Variants in CDH8 observed in about 807,000 individuals in gnomAD.
CDH8 encodes cadherin-8.
In CDH8, 17 loss-of-function variants were observed where a neutral mutation model predicts 68.1. The observed-to-expected ratio is 0.25, with a 90% CI of 0.17 to 0.37. The LOEUF (loss-of-function observed/expected upper bound fraction) is 0.37. CDH8 is among the 10% of genes least tolerant of loss of function. CDH8 has a pLI of 1.00. For missense variants in CDH8, 763 were observed against 999.3 expected, an observed-to-expected ratio of 0.76 and a Z score of 3.19; for synonymous variants, 372 against 365.1, an observed-to-expected ratio of 1.02 and a Z score of -0.21.
intron 2 of CDH8, among the ~76,000 whole-genome samples, chr16:62,003,896 G>T (rs1965932952): frequency 6.6e-6 from 1 of 152,088 alleles, no homozygotes; most frequent in African/African-American, 2.4e-5. Flanking sequence ...GCCTTCAGAA[G>T]GCAAAGCATT....
chr16:61,930,310 T>C (rs910715038), intron 2 of CDH8, among the ~76,000 whole-genome samples: 1 of 144,700 alleles, frequency 6.9e-6, no homozygotes, highest in African/African-American at 2.8e-5. Flanking sequence ...CACACACCCC[T>C]ATGTATACGC....
chr16:61,756,009 C>T (rs1356024315), intron 8 of CDH8, among the ~76,000 whole-genome samples: 1 of 151,976 alleles, frequency 6.6e-6, no homozygotes, highest in Non-Finnish European at 1.5e-5. Context: ...TTAATAGAGA[C>T]AGGGTTTCGC....
chr16:61,937,801 G>A (rs1300508376), intron 2 of CDH8: 1 of 152,172 alleles, frequency 6.6e-6, no homozygotes, highest in Non-Finnish European at 1.5e-5. Context: ...TCTCTGGGCA[G>A]TAACTGAACC....
chr16:61,708,281 C>G (rs1156815754), intron 10 of CDH8, among the ~76,000 whole-genome samples: 2 of 152,074 alleles, frequency 1.3e-5, no homozygotes, highest in East Asian at 3.9e-4. Context: ...TTTTGACAAC[C>G]ACACCTATAA....
chr16:61,961,288 C>T (rs898916508), intron 2 of CDH8, among the ~76,000 whole-genome samples: 7 of 151,844 alleles, frequency 4.6e-5, no homozygotes, highest in Non-Finnish European at 5.9e-5. Context: ...GCTCTCCAGC[C>T]TGGGCAACAG....
At chr16:61,742,257 T>C (rs1461695900) in intron 8 of CDH8, among the ~76,000 whole-genome samples, 1 of 152,148 alleles carries the variant, frequency 6.6e-6, no homozygotes, top group African/African-American at 2.4e-5. Context: ...TTATAGATTA[T>C]TTTTGTATTT....
At chr16:61,737,080 G>C (rs1959718322) in intron 8 of CDH8, among the ~76,000 whole-genome samples, 1 of 152,112 alleles carries the variant, frequency 6.6e-6, no homozygotes, top group African/African-American at 2.4e-5. Flanking sequence ...TCACCTCTCT[G>C]TCACATACCC....
chr16:61,965,258 T>C (rs9925860), intron 2 of CDH8, among the ~76,000 whole-genome samples: 106,412 of 151,808 alleles, frequency 0.7, 37,906 homozygotes, highest in East Asian at 1. Flanking sequence ...TATCAGCACC[T>C]GGTTTGTTTT....
intron 4 of CDH8, among the ~76,000 whole-genome samples, chr16:61,835,703 A>G (rs1372617003): frequency 1.3e-5 from 2 of 152,020 alleles, no homozygotes; most frequent in African/African-American, 2.4e-5. Context: ...TGTGAAGAAC[A>G]TGATGGCACT....
chr16:61,783,392 G>A (rs1265036853), intron 8 of CDH8, among the ~76,000 whole-genome samples: 2 of 148,768 alleles, frequency 1.3e-5, no homozygotes, highest in African/African-American at 2.5e-5. Flanking sequence ...AGAGAAAAAA[G>A]AATAAAAAGA....
At chr16:61,905,187 A>C (rs931793038) in intron 2 of CDH8, among the ~76,000 whole-genome samples, 3 of 152,208 alleles carry the variant, frequency 2.0e-5, no homozygotes, top group Non-Finnish European at 4.4e-5. Context: ...GAGTGGGATC[A>C]GAATCACATG....
chr16:61,766,993 A>G (rs1380027750), intron 8 of CDH8, among the ~76,000 whole-genome samples: 1 of 151,928 alleles, frequency 6.6e-6, no homozygotes, highest in Non-Finnish European at 1.5e-5. Flanking sequence ...TCTGCAGCAA[A>G]AGGAGAGAAT....
chr16:61,811,023 CAAAAAAAAAAA>C (rs34071898), intron 7 of CDH8, among the ~76,000 whole-genome samples: 4 of 87,690 alleles, frequency 4.6e-5, no homozygotes, highest in Admixed American at 2.4e-4. Flanking sequence ...GACTCTGTCT[CAAAAAAAAAAA>C]AAAAAAAAAG....
chr16:61,719,533 T>G (rs1383646096), intron 9 of CDH8, among the ~76,000 whole-genome samples: 3 of 151,026 alleles, frequency 2.0e-5, no homozygotes, highest in Non-Finnish European at 3.0e-5. Context: ...ATTATCAATA[T>G]TAAATAAAAA....
chr16:61,851,439 A>C (rs1962935897), intron 4 of CDH8, among the ~76,000 whole-genome samples: 1 of 152,048 alleles, frequency 6.6e-6, no homozygotes, highest in African/African-American at 2.4e-5. Context: ...GCTGTTCTGA[A>C]ACTTTACCCT....
At chr16:61,880,939 A>T (rs1963562050) in intron 3 of CDH8, among the ~76,000 whole-genome samples, 1 of 152,156 alleles carries the variant, frequency 6.6e-6, no homozygotes, top group African/African-American at 2.4e-5. Flanking sequence ...AAGGCCATGA[A>T]GCAACGTGTG....
At chr16:61,794,829 T>G (rs1596974025) in intron 7 of CDH8, among the ~76,000 whole-genome samples, 3 of 152,096 alleles carry the variant, frequency 2.0e-5, no homozygotes, top group African/African-American at 7.2e-5. Context: ...ATTAGGTTGA[T>G]TTTTGTATTC....
At chr16:62,029,670 A>G (rs1325932599) in intron 1 of CDH8, among the ~76,000 whole-genome samples, 2 of 152,200 alleles carry the variant, frequency 1.3e-5, no homozygotes, top group African/African-American at 4.8e-5. Context: ...TCATTAAAAA[A>G]CATTGCCTGG....
chr16:62,035,242 C>T (rs1323616188), intron 1 of CDH8: 4 of 152,324 alleles, frequency 2.6e-5, no homozygotes, highest in Non-Finnish European at 4.4e-5. Flanking sequence ...GCGCGACCAG[C>T]CCCTCAAAGG....
Sources: allele counts gnomAD v4.1 joint callset (sites outside exome capture counted in the v4.1 genomes callset), GRCh38; gene constraint gnomAD v4.1.1; transcripts MANE v1.5; gene names NCBI Gene and HGNC (gene_info 2026-07-23, HGNC 2026-07-21).